Variants in CNOT2 observed in about 807,000 individuals in gnomAD.
CNOT2 encodes the protein CCR4-NOT transcription complex subunit 2.
CNOT2 carries 7 observed loss-of-function variants against 72.1 expected under a neutral mutation model. The observed-to-expected ratio is 0.10, with a 90% CI of 0.06 to 0.18. The LOEUF is 0.18. CNOT2 is among the 10% of genes least tolerant of loss of function. The pLI is 1.00. For missense variants in CNOT2, 345 were observed against 660.3 expected, an observed-to-expected ratio of 0.52 and a Z score of 5.23; for synonymous variants, 196 against 225.6, an observed-to-expected ratio of 0.87 and a Z score of 1.17.
At chr12:70,288,136 C>CTTTTTTTTTTTTTTT (rs68143994) in intron 2 of CNOT2, among the ~76,000 whole-genome samples, 1 of 86,668 alleles carries the variant, frequency 1.2e-5, no homozygotes, top group Non-Finnish European at 2.2e-5. Flanking sequence ...TGGTGTAGCT[C>CTTTTTTTTTTTTTTT]TTTTTTTTTT....
chr12:70,300,202 G>A (rs1437719920), intron 2 of CNOT2, among the ~76,000 whole-genome samples: 1 of 152,098 alleles, frequency 6.6e-6, no homozygotes, highest in East Asian at 1.9e-4. Flanking sequence ...TTCTTTTGCT[G>A]TGCAGAAGCT....
intron 3 of CNOT2, among the ~76,000 whole-genome samples, chr12:70,317,181 A>G (rs1304007717): frequency 6.6e-6 from 1 of 152,122 alleles, no homozygotes; most frequent in Non-Finnish European, 1.5e-5. Context: ...TTAAGATATC[A>G]AGCATTATTT....
intron 2 of CNOT2, among the ~76,000 whole-genome samples, chr12:70,302,890 T>G (rs527342759): frequency 2.0e-5 from 3 of 151,306 alleles, no homozygotes; most frequent in Non-Finnish European, 2.9e-5. Flanking sequence ...CTTTATGAAT[T>G]TGGGTGCTCC....
intron 1 of CNOT2, among the ~76,000 whole-genome samples, chr12:70,248,167 T>G (rs1034482492): frequency 6.6e-6 from 1 of 152,188 alleles, no homozygotes; most frequent in Non-Finnish European, 1.5e-5. Flanking sequence ...TTACCAGTAC[T>G]TACCCATGAG....
At position 70,352,447 on chromosome 12, in the gene CNOT2, CT is replaced by C. The variant is rs1239038918; in HGVS notation, c.1537-1379del. On this transcript the variant is annotated intron_variant, in intron 15 of 15. Coordinates refer to ENST00000229195, the MANE Select transcript of CNOT2 (RefSeq NM_014515.7). ...CTTTAAATTTATTTAAGTGTAATAT[CT>C]TTAAATTTTAAATACTTGGTGTTCC... Among the ~76,000 whole-genome samples the C allele has an allele frequency of 9.9e-5, 15 of 152,174 alleles. No individual in the cohort carries two copies. The East Asian group carries it at 2.9e-3, about 29-fold the overall frequency.
intron 2 of CNOT2, among the ~76,000 whole-genome samples, chr12:70,288,792 ATTC>A (rs1341317732): frequency 1.3e-5 from 2 of 152,140 alleles, no homozygotes; most frequent in African/African-American, 4.8e-5. Context: ...TATTTTAATT[ATTC>A]TTTAGATCTC....
intron 3 of CNOT2, among the ~76,000 whole-genome samples, chr12:70,316,386 T>A (rs1009038347): frequency 5.9e-5 from 9 of 152,216 alleles, no homozygotes; most frequent in Non-Finnish European, 1.2e-4. Context: ...AAAGCATTTC[T>A]GTGACATTCA....
chr12:70,284,015 C>G (rs1870408224), intron 2 of CNOT2, among the ~76,000 whole-genome samples: 1 of 145,970 alleles, frequency 6.9e-6, no homozygotes, highest in African/African-American at 2.5e-5. Flanking sequence ...CTGGAGTGCT[C>G]ACCACAACCT....
At chr12:70,255,413 C>T (rs1212039289) in intron 1 of CNOT2, among the ~76,000 whole-genome samples, 1 of 152,082 alleles carries the variant, frequency 6.6e-6, no homozygotes, top group East Asian at 1.9e-4. Flanking sequence ...GAATAACTTA[C>T]GCTGTTCTTT....
At chr12:70,247,497 T>C (rs1448235902) in intron 1 of CNOT2, among the ~76,000 whole-genome samples, 3 of 152,160 alleles carry the variant, frequency 2.0e-5, no homozygotes, top group Non-Finnish European at 4.4e-5. Context: ...TGTATGTGTG[T>C]GGGGGGCAGG....
chr12:70,261,634 C>G (rs1428764378), intron 1 of CNOT2, among the ~76,000 whole-genome samples: 3 of 151,818 alleles, frequency 2.0e-5, no homozygotes. Flanking sequence ...TGCCTATTTT[C>G]ATAAGATATA....
intron 9 of CNOT2, 21 bp from the exon 10 acceptor site, chr12:70,338,422 A>G (rs1319308437): frequency 1.9e-6 from 3 of 1,587,466 alleles, no homozygotes; most frequent in Non-Finnish European, 2.6e-6. Context: ...TTAATGTCAC[A>G]TTTAATTTTT....
intron 2 of CNOT2, among the ~76,000 whole-genome samples, chr12:70,279,504 A>G (rs1057196413): frequency 6.6e-6 from 1 of 152,310 alleles, no homozygotes; most frequent in African/African-American, 2.4e-5. Context: ...AGTTGTCCTC[A>G]TAGACTTGAC....
intron 2 of CNOT2, among the ~76,000 whole-genome samples, chr12:70,289,594 C>G (rs1871513094): frequency 6.6e-6 from 1 of 152,016 alleles, no homozygotes; most frequent in African/African-American, 2.4e-5. Context: ...CTGGAGTTGT[C>G]CCATAGCTTA....
Position 70,278,268 on chromosome 12 carries a change from C to G in CNOT2, c.42C>G (p.Asn14Lys). 6.2e-7 allele frequency: 1 copy of G among 1,607,464 alleles called. No individual in the cohort carries two copies. The highest frequency in any genetic ancestry group is 8.5e-7 in the Non-Finnish European group (1 of 1,174,030). The change falls in exon 2 of 16, where the codon AAC (asparagine) becomes AAG (lysine). Residue 14 changes from asparagine (N) to lysine (K), a missense_variant. By Grantham distance (94) the Asn-to-Lys change is moderately conservative. This residue lies in a region of CNOT2 where 157 missense variants were observed against 235.3 expected (regional missense o/e 0.67). Coordinates refer to ENST00000229195, the MANE Select transcript of CNOT2 (RefSeq NM_014515.7). ...TDGHTLSEKR[N>K]YQVTNSMFGA... ...GACATACATTATCTGAGAAAAGAAA[C>G]TACCAGGTAAGACCAGTCTTTCTTC...
At chr12:70,302,296 A>C (rs1874174237) in intron 2 of CNOT2, among the ~76,000 whole-genome samples, 1 of 151,290 alleles carries the variant, frequency 6.6e-6, no homozygotes, top group Non-Finnish European at 1.5e-5. Flanking sequence ...TAGTTCTTTT[A>C]ATTGTGATGT....
chr12:70,311,303 A>T (rs1391467036), intron 3 of CNOT2, among the ~76,000 whole-genome samples: 1 of 151,918 alleles, frequency 6.6e-6, no homozygotes, highest in African/African-American at 2.4e-5. Context: ...TAGATCACTG[A>T]TTTTTTTTGT....
chr12:70,247,497 T>G (rs1448235902), intron 1 of CNOT2, among the ~76,000 whole-genome samples: 5 of 152,160 alleles, frequency 3.3e-5, no homozygotes, highest in African/African-American at 7.2e-5. Flanking sequence ...TGTATGTGTG[T>G]GGGGGGCAGG....
intron 1 of CNOT2, among the ~76,000 whole-genome samples, chr12:70,277,597 T>G (rs1207222346): frequency 6.6e-6 from 1 of 152,194 alleles, no homozygotes; most frequent in Non-Finnish European, 1.5e-5. Context: ...TGAGTTATGT[T>G]TGTATCTCTT....
Sources: gnomAD v4.1 joint callset for allele counts (sites outside exome capture counted in the v4.1 genomes callset) on GRCh38, gnomAD v4.1.1 for gene constraint, gnomAD v4.1.1 regional missense constraint, MANE v1.5 for transcripts, NCBI Gene and HGNC (gene_info 2026-07-23, HGNC 2026-07-21) for gene names.